MLLT3: variants seen among roughly 807,000 people sequenced by gnomAD.
The protein encoded by MLLT3 is protein AF-9.
Under a neutral mutation model 53.2 loss-of-function variants are expected in MLLT3, and 4 were observed. The ratio of observed to expected loss-of-function variants is 0.08; its 90% CI spans 0.04 to 0.17. The LOEUF (loss-of-function observed/expected upper bound fraction) is 0.17, where lower values mean the gene tolerates loss of function less well. Ranked by LOEUF, MLLT3 falls within the 10% of genes least tolerant of loss-of-function variation. MLLT3 has a pLI of 1.00. For synonymous variants in MLLT3, 283 were observed against 230.6 expected, an observed-to-expected ratio of 1.23 and a Z score of -2.06; for missense variants, 569 against 684.0, an observed-to-expected ratio of 0.83 and a Z score of 1.87.
At chr9:20,546,931 C>A (rs1818803661) in intron 2 of MLLT3, among the ~76,000 whole-genome samples, 1 of 152,176 alleles carries the variant, frequency 6.6e-6, no homozygotes, top group South Asian at 2.1e-4. Context: ...CAGCCTGCTG[C>A]CATTGGCCTG....
rs930215905 is a variant in MLLT3 at position 20,556,844 on chromosome 9, T to A, written c.193+63810A>T. On this transcript the variant is annotated intron_variant, in intron 2 of 10. Coordinates refer to ENST00000380338, the MANE Select transcript of MLLT3 (RefSeq NM_004529.4). ...TGTTAGATTTTTCATCAGCTCTACT[T>A]AAGTATATTATGTAAAAGGCCTATT... Among the ~76,000 whole-genome samples the A allele has an allele frequency of 4.6e-5, 7 of 152,222 alleles. No homozygotes were observed. The East Asian group carries it at 1.3e-3, about 29-fold the overall frequency.
chr9:20,351,935 A>C (rs1821039086), intron 10 of MLLT3, among the ~76,000 whole-genome samples: 1 of 152,226 alleles, frequency 6.6e-6, no homozygotes, highest in African/African-American at 2.4e-5. Flanking sequence ...GAGAGCTTTC[A>C]ACCGGCCTGG....
chr9:20,583,294 T>C (rs1312002696), intron 2 of MLLT3, among the ~76,000 whole-genome samples: 1 of 152,156 alleles, frequency 6.6e-6, no homozygotes, highest in African/African-American at 2.4e-5. Flanking sequence ...CTTTGCAGGG[T>C]ACAGCCTCCC....
intron 2 of MLLT3, among the ~76,000 whole-genome samples, chr9:20,584,490 C>T (rs147534629): frequency 2.8e-4 from 42 of 152,254 alleles, no homozygotes; most frequent in African/African-American, 8.7e-4. Flanking sequence ...ACCCATTTCA[C>T]GCTGCTGGGA....
At chr9:20,456,595 T>A in intron 3 of MLLT3, 109 bp downstream of exon 3, 1 of 778,552 alleles carries the variant, frequency 1.3e-6, no homozygotes, top group East Asian at 2.7e-5. Context: ...TTAACTTTTA[T>A]TTTAAAATCA....
rs1357573683 is a variant in MLLT3, at chr9:20,346,308, TTTA to T, written c.*132_*134del. 3.2e-6 allele frequency: 3 copies of T among 944,248 alleles called. No individual in the cohort carries two copies. Among genetic ancestry groups the T allele is most frequent in the African/African-American group, 3.4e-5 (2 of 59,366 alleles). The allele number at this position is 944,248 out of a possible 1,614,324, so 58.5% of individuals were successfully genotyped here. ...AAATAAAGCTGAAGGTTGTTTGATT[TTTA>T]TTTTTTCCCTTTTGGTTGCATCATT... is the stretch of plus-strand genomic sequence containing the variant. On this transcript the variant is annotated 3_prime_UTR_variant, in exon 11 of 11. Coordinates refer to ENST00000380338, the MANE Select transcript of MLLT3 (RefSeq NM_004529.4).
At position 20,445,861 on chromosome 9, in the gene MLLT3, G is replaced by T. The variant is rs139466430; in HGVS notation, c.420+2262C>A. On this transcript the variant is annotated intron_variant, in intron 4 of 10. Transcript: ENST00000380338. Reference sequence around the variant, plus strand: ...CCACAAAACCCAGGCCAAAAAATAAGAAGAAGAAGAAGTTTATCTGAAGAC... The same window carrying T: ...CCACAAAACCCAGGCCAAAAAATAATAAGAAGAAGAAGTTTATCTGAAGAC... Among the ~76,000 whole-genome samples the T allele has an allele frequency of 5.7e-3, 863 of 152,132 alleles. 11 individuals carry two copies. The highest frequency in any genetic ancestry group is 0.019 in the African/African-American group (769 of 41,524).
At chr9:20,366,069 C>T (rs1045685215) in intron 5 of MLLT3, among the ~76,000 whole-genome samples, 15 of 152,140 alleles carry the variant, frequency 9.9e-5, no homozygotes, top group Admixed American at 2.6e-4. Flanking sequence ...CTTTATTATA[C>T]TTTAAGTTTT....
rs936828819 is a variant in MLLT3, at chr9:20,501,757, C to CAA, written c.194-44973_194-44972dup. The stretch of plus-strand genomic sequence containing the variant: ...TGGGCGACAGAGCGAGACTCCGTCT[C>CAA]AAAAAAAAAAAAAAAAAAAAAAAAA... On this transcript the variant is annotated intron_variant, in intron 2 of 10. Coordinates refer to ENST00000380338, the MANE Select transcript of MLLT3 (RefSeq NM_004529.4). Among the ~76,000 whole-genome samples, 62 of 18,576 alleles carry CAA rather than the reference C, an allele frequency of 3.3e-3. 5 individuals are homozygous for CAA. Among genetic ancestry groups the CAA allele is most frequent in the African/African-American group, 5.9e-3 (30 of 5,070 alleles). 12.2% of individuals were successfully genotyped at this position (18,576 alleles called of 152,430 possible). A position where few individuals can be genotyped will look rare whatever the true frequency, so the allele number is the denominator to read the frequency against.
intron 2 of MLLT3, among the ~76,000 whole-genome samples, chr9:20,516,149 C>T (rs756595545): frequency 6.6e-6 from 1 of 152,138 alleles, no homozygotes; most frequent in East Asian, 1.9e-4. Context: ...CTCCTGACTC[C>T]GCTAAGGACT....
intron 2 of MLLT3, among the ~76,000 whole-genome samples, chr9:20,485,991 AAAT>A (rs1337022008): frequency 1.3e-5 from 2 of 152,194 alleles, no homozygotes; most frequent in Admixed American, 6.5e-5. Flanking sequence ...AATAGTGATA[AAAT>A]AATAAGAATT....
At chr9:20,452,232 G>C (rs1349896336) in intron 3 of MLLT3, among the ~76,000 whole-genome samples, 1 of 152,144 alleles carries the variant, frequency 6.6e-6, no homozygotes, top group African/African-American at 2.4e-5. Flanking sequence ...ATCTCATCTT[G>C]AATTGTGGTT....
At chr9:20,493,024 A>T (rs1824989263) in intron 2 of MLLT3, among the ~76,000 whole-genome samples, 1 of 149,980 alleles carries the variant, frequency 6.7e-6, no homozygotes, top group East Asian at 1.9e-4. Context: ...ACCCGTTTCC[A>T]TTTTTTTTTC....
At chr9:20,422,386 C>G (rs1823031399) in intron 4 of MLLT3, among the ~76,000 whole-genome samples, 1 of 152,150 alleles carries the variant, frequency 6.6e-6, no homozygotes, top group South Asian at 2.1e-4. Flanking sequence ...ATTTCTAGAC[C>G]TGACCAGGGA....
chr9:20,484,173 T>C (rs901387887), intron 2 of MLLT3, among the ~76,000 whole-genome samples: 12 of 152,270 alleles, frequency 7.9e-5, no homozygotes, highest in Admixed American at 7.8e-4. Flanking sequence ...CTAAAGATAA[T>C]GTGCACACAG....
At chr9:20,523,094 A>G (rs1170234730) in intron 2 of MLLT3, among the ~76,000 whole-genome samples, 1 of 152,266 alleles carries the variant, frequency 6.6e-6, no homozygotes, top group Non-Finnish European at 1.5e-5. Flanking sequence ...AAGAAGGTAT[A>G]CAAATGGCAA....
chr9:20,522,024 C>T (rs1385273382), intron 2 of MLLT3, among the ~76,000 whole-genome samples: 3 of 144,976 alleles, frequency 2.1e-5, no homozygotes, highest in Non-Finnish European at 4.5e-5. Flanking sequence ...TTTTTTTTAA[C>T]ACTCTGAAAT....
At chr9:20,581,992 ATT>A (rs1415315869) in intron 2 of MLLT3, among the ~76,000 whole-genome samples, 2 of 152,146 alleles carry the variant, frequency 1.3e-5, no homozygotes, top group African/African-American at 2.4e-5. Flanking sequence ...AATATTTTTA[ATT>A]TTTTATATTA....
rs1425621689 is a variant in MLLT3 at position 20,343,180 on chromosome 9, C to G, written c.*3263G>C. The G allele has an allele frequency of 3.4e-5, 1 of 29,248 alleles. No homozygotes were observed. Among genetic ancestry groups the G allele is most frequent in the African/African-American group, 6.3e-4 (1 of 1,592 alleles). The allele number at this position is 29,248 out of a possible 1,614,324, so 1.8% of individuals were successfully genotyped here. ...GATTAGGTGGGCCTGTAAAAGATAT[C>G]GGCAAAAAAAAAAAAAAAAAAAAAA... On this transcript the variant is annotated 3_prime_UTR_variant, in exon 11 of 11. Transcript: ENST00000380338.
Sources: gnomAD v4.1 joint callset for allele counts (sites outside exome capture counted in the v4.1 genomes callset) on GRCh38, gnomAD v4.1.1 for gene constraint, MANE v1.5 for transcripts, NCBI Gene and HGNC (gene_info 2026-07-23, HGNC 2026-07-21) for gene names.